The following CECR2 variants were observed in gnomAD, a reference collection of about 807,000 sequenced individuals.
The protein encoded by CECR2 is CECR2 histone acetyl-lysine reader.
CECR2 carries 30 observed loss-of-function variants against 154.5 expected under a neutral mutation model. That is an observed-to-expected ratio of 0.19 (90% confidence interval 0.15 to 0.26). The LOEUF is 0.26. Among genes scored for constraint, CECR2 ranks in the 10% least tolerant of loss-of-function variants. The pLI, the probability that CECR2 is intolerant of heterozygous loss-of-function variation, is 1.00. For synonymous variants in CECR2, 725 were observed against 683.7 expected (o/e 1.06, Z -0.94); for missense variants, 1,743 against 1,829.3 (o/e 0.95, Z 0.86).
At chr22:17,513,455 A>T (rs896466585) in intron 8 of CECR2, among the ~76,000 whole-genome samples, 3 of 152,238 alleles carry the variant, frequency 2.0e-5, no homozygotes, top group African/African-American at 4.8e-5. Context: ...AGATCTTGTC[A>T]GTAACTAAAC....
At chr22:17,437,841 T>C (rs1044061928) in intron 1 of CECR2, among the ~76,000 whole-genome samples, 3 of 152,212 alleles carry the variant, frequency 2.0e-5, no homozygotes, top group Non-Finnish European at 4.4e-5. Flanking sequence ...AGGAAAAATT[T>C]CCTTCGACTT....
chr22:17,540,839 T>A, intron 14 of CECR2, 39 bp downstream of exon 14: 1 of 1,501,568 alleles, frequency 6.7e-7, no homozygotes, highest in Non-Finnish European at 8.9e-7. Flanking sequence ...TTTCTCCTAG[T>A]TTGTGAGTTC....
chr22:17,432,443 A>C (rs2054439784), intron 1 of CECR2, among the ~76,000 whole-genome samples: 1 of 152,068 alleles, frequency 6.6e-6, no homozygotes, highest in African/African-American at 2.4e-5. Flanking sequence ...TATTCCTGTA[A>C]AAGTTCTTTG....
chr22:17,504,846 G>C lies in CECR2; in HGVS notation c.701-1G>C. ...AGTGAATCCGTTCCTTTATTTTCTA[G>C]GGTCCCAAGGGCCAGGCCAAGGTAC... On this transcript the variant is annotated splice_acceptor_variant, in intron 6 of 18. Coordinates refer to ENST00000262608, the MANE Select transcript of CECR2 (RefSeq NM_001290047.2). LOFTEE classifies it high-confidence loss of function. 6.2e-7 allele frequency: 1 copy of C among 1,610,330 alleles called. No homozygotes were observed.
At chr22:17,479,405 A>G (rs557429809) in intron 2 of CECR2, among the ~76,000 whole-genome samples, 5 of 152,330 alleles carry the variant, frequency 3.3e-5, no homozygotes, top group African/African-American at 1.2e-4. Context: ...TCCATGAATC[A>G]TTACAGTAAT....
chr22:17,431,640 AT>A (rs1201439208), intron 1 of CECR2, among the ~76,000 whole-genome samples: 1 of 152,172 alleles, frequency 6.6e-6, no homozygotes, highest in Non-Finnish European at 1.5e-5. Flanking sequence ...AGAAAACTAT[AT>A]TTATATTTTG....
In CECR2 at chr22:17,542,468, T is replaced by C. The variant is rs369931787; in HGVS notation, c.2325T>C (p.Asn775=). The C allele has an allele frequency of 1.2e-5, 19 of 1,613,976 alleles. No individual in the cohort carries two copies. Among genetic ancestry groups the C allele is most frequent in the Non-Finnish European group, 1.6e-5 (19 of 1,179,892 alleles). ...YLNRVHSAVW[N]GNHGATNQGP... ...ATCGAGTACACTCTGCCGTCTGGAA[T>C]GGGAACCATGGTGCTACGAACCAAG... The change falls in exon 16 of 19, where the codon AAT becomes AAC. Residue 775 remains asparagine (N), a synonymous_variant. Transcript: ENST00000262608.
intron 1 of CECR2, among the ~76,000 whole-genome samples, chr22:17,385,030 T>C (rs1319091857): frequency 6.6e-6 from 1 of 152,216 alleles, no homozygotes; most frequent in East Asian, 1.9e-4. Context: ...CCTCCAACTT[T>C]TCTTCTGCAG....
intron 9 of CECR2, among the ~76,000 whole-genome samples, chr22:17,533,523 G>A (rs1308234344): frequency 6.0e-5 from 9 of 151,250 alleles, no homozygotes; most frequent in Admixed American, 1.3e-4. Context: ...CCAGCTACCC[G>A]GGAGGCTGAG....
At position 17,392,142 on chromosome 22, in the gene CECR2, C is replaced by G. The variant is rs115316135; in HGVS notation, c.126+22233C>G. 3.6e-3 allele frequency among the ~76,000 whole-genome samples: 541 copies of G among 152,264 alleles called. 3 individuals are homozygous for G. Among genetic ancestry groups the G allele is most frequent in the African/African-American group, 0.012 (507 of 41,564 alleles). ...AATGTTTTTTGTTTAAAAAAATAAG[C>G]GTGGCTTGGTAGCTCATGCCTGTAA... On this transcript the variant is annotated intron_variant, in intron 1 of 18. Transcript: ENST00000262608.
Position 17,430,208 on chromosome 22 carries a change from C to A in CECR2, c.127-47380C>A, listed in dbSNP as rs1380698251. ...GCATTACTTCTTTCATAGGTCAGGC[C>A]TCTTACAGTTGTCAAACTTCAGTAC... On this transcript the variant is annotated intron_variant, in intron 1 of 18. Transcript: ENST00000262608. Among the ~76,000 whole-genome samples, 2 of 152,104 alleles carry A rather than the reference C, an allele frequency of 1.3e-5. 1 individual carries two copies. Among genetic ancestry groups the A allele is most frequent in the African/African-American group, 4.8e-5 (2 of 41,416 alleles).
intron 1 of CECR2, among the ~76,000 whole-genome samples, chr22:17,393,563 C>T (rs1017862504): frequency 3.3e-5 from 5 of 152,124 alleles, no homozygotes; most frequent in African/African-American, 4.8e-5. Context: ...CATACAGTAA[C>T]GAGGCTTCAC....
chr22:17,383,727 C>T lies in CECR2; in HGVS notation c.126+13818C>T, dbSNP rs546369014. Reference sequence around the variant, plus strand: ...CCCAGGCTGGAGCGCAGTGGCAGTACGCTCTCAGCTCACTGCAAACTCCGC... The same window carrying T: ...CCCAGGCTGGAGCGCAGTGGCAGTATGCTCTCAGCTCACTGCAAACTCCGC... On this transcript the variant is annotated intron_variant, in intron 1 of 18. Transcript: ENST00000262608. Among the ~76,000 whole-genome samples the T allele has an allele frequency of 7.4e-4, 102 of 137,348 alleles. No individual in the cohort carries two copies. The Middle Eastern group carries it at 0.014, about 19-fold the overall frequency. 90.1% of individuals were successfully genotyped at this position (137,348 alleles called of 152,430 possible).
chr22:17,445,185 A>G (rs1227208059), intron 1 of CECR2, among the ~76,000 whole-genome samples: 2 of 152,176 alleles, frequency 1.3e-5, no homozygotes, highest in South Asian at 2.1e-4. Context: ...TTATGACCTA[A>G]GATCTATAGG....
intron 9 of CECR2, chr22:17,524,943 A>C (rs1446592516): frequency 2.7e-6 from 1 of 368,194 alleles, no homozygotes; most frequent in Non-Finnish European, 5.5e-6. Context: ...CTGGGATTAC[A>C]GGCGTGAGCC....
rs1050658335 is a variant in CECR2, at chr22:17,548,318, G to A, written c.3031G>A (p.Glu1011Lys). The change falls in exon 17 of 19, where the codon GAA becomes AAA. Residue 1011 changes from glutamate to lysine, a missense_variant. Transcript: ENST00000262608. ...VGPELKSSSS[E>K]SADNCKAMKG... Reference sequence around the variant, plus strand: ...CCCGGAGCTCAAAAGCAGCTCCTCCGAATCTGCGGACAACTGTAAAGCAAT... The same window carrying A: ...CCCGGAGCTCAAAAGCAGCTCCTCCAAATCTGCGGACAACTGTAAAGCAAT... The A allele has an allele frequency of 2.5e-6, 4 of 1,610,968 alleles. No homozygotes were observed. Among genetic ancestry groups the A allele is most frequent in the Middle Eastern group, 1.7e-4 (1 of 6,056 alleles).
At chr22:17,362,571 T>A (rs2062982415) in intron 1 of CECR2, among the ~76,000 whole-genome samples, 1 of 152,066 alleles carries the variant, frequency 6.6e-6, no homozygotes, top group Admixed American at 6.6e-5. Flanking sequence ...GTGTGTTGAT[T>A]ACATGTTGAA....
intron 2 of CECR2, among the ~76,000 whole-genome samples, chr22:17,480,937 G>A (rs1212958237): frequency 1.3e-5 from 2 of 151,646 alleles, no homozygotes; most frequent in Non-Finnish European, 2.9e-5. Context: ...CTACTCAGGA[G>A]GCTGAGATGG....
intron 1 of CECR2, among the ~76,000 whole-genome samples, chr22:17,361,500 C>A (rs1217362812): frequency 1.3e-5 from 2 of 151,238 alleles, no homozygotes; most frequent in African/African-American, 4.9e-5. Flanking sequence ...CAAACAACAC[C>A]CCCCACCCAA....
Sources: allele counts gnomAD v4.1 joint callset (sites outside exome capture counted in the v4.1 genomes callset), GRCh38; gene constraint gnomAD v4.1.1; transcripts MANE v1.5; gene names NCBI Gene and HGNC (gene_info 2026-07-23, HGNC 2026-07-21).